CRPPA: variants seen among roughly 807,000 people sequenced by gnomAD.
CRPPA encodes D-ribitol-5-phosphate cytidylyltransferase.
CRPPA carries 43 observed loss-of-function variants against 52.0 expected under a neutral mutation model. The observed-to-expected ratio is 0.83, with a 90% CI of 0.65 to 1.07. The LOEUF (loss-of-function observed/expected upper bound fraction) is 1.07, where lower values mean the gene tolerates loss of function less well. CRPPA is among the 50% of genes least tolerant of loss of function. The probability of loss-of-function intolerance (pLI) is 0.00; values close to 1 mark genes in which losing one functional copy is unlikely to be tolerated. For missense variants in CRPPA, 629 were observed against 551.7 expected (o/e 1.14, Z -1.40); for synonymous variants, 250 against 203.5 (o/e 1.23, Z -1.94).
intron 6 of CRPPA, among the ~76,000 whole-genome samples, chr7:16,261,105 G>C (rs76123181): frequency 0.032 from 4,900 of 152,010 alleles, 264 homozygotes; most frequent in African/African-American, 0.11. Flanking sequence ...AACCAGGAAA[G>C]ACAAATGAAG....
intron 9 of CRPPA, among the ~76,000 whole-genome samples, chr7:16,100,966 G>A (rs1782031818): frequency 6.6e-6 from 1 of 152,152 alleles, no homozygotes; most frequent in African/African-American, 2.4e-5. Context: ...ATTGATTTGT[G>A]TATGTTGAAA....
At chr7:16,126,877 A>G (rs998969716) in intron 9 of CRPPA, among the ~76,000 whole-genome samples, 26 of 152,206 alleles carry the variant, frequency 1.7e-4, no homozygotes, top group Non-Finnish European at 2.9e-4. Flanking sequence ...TGAGCAACAA[A>G]AGGCAAAGAA....
At chr7:16,341,381 T>C (rs1235006441) in intron 3 of CRPPA, among the ~76,000 whole-genome samples, 1 of 152,162 alleles carries the variant, frequency 6.6e-6, no homozygotes, top group East Asian at 1.9e-4. Flanking sequence ...GATCTCTCTG[T>C]ACCTCCTCCA....
intron 3 of CRPPA, among the ~76,000 whole-genome samples, chr7:16,328,447 T>G (rs183252436): frequency 1.3e-5 from 2 of 151,422 alleles, no homozygotes; most frequent in African/African-American, 4.8e-5. Context: ...AGAAATAAAT[T>G]AATAAATGGT....
intron 9 of CRPPA, among the ~76,000 whole-genome samples, chr7:16,116,814 C>T (rs1330914998): frequency 1.3e-5 from 2 of 152,182 alleles, no homozygotes; most frequent in South Asian, 2.1e-4. Flanking sequence ...TCAGAAAAAG[C>T]GTATCAGAGG....
chr7:16,332,345 C>T (rs946567525), intron 3 of CRPPA, among the ~76,000 whole-genome samples: 1 of 152,050 alleles, frequency 6.6e-6, no homozygotes, highest in African/African-American at 2.4e-5. Flanking sequence ...AGAGACTTTA[C>T]ATAAAGAAGA....
chr7:16,119,465 A>C (rs1434462815), intron 9 of CRPPA, among the ~76,000 whole-genome samples: 1 of 152,246 alleles, frequency 6.6e-6, no homozygotes, highest in Non-Finnish European at 1.5e-5. Context: ...GCAAAAAATA[A>C]GGTGAGATAT....
rs1324300333 is a variant in CRPPA, at chr7:16,389,348, A to C, written c.535-13107T>G. Among the ~76,000 whole-genome samples, 3 of 152,176 alleles carry C rather than the reference A, an allele frequency of 2.0e-5. No individual in the cohort carries two copies. The East Asian group carries it at 5.8e-4, about 29-fold the overall frequency. ...TAAACAATGCAAAAACAGATGCAAA[A>C]ATTCTCAACAAGATACCTACAAACC... On this transcript the variant is annotated intron_variant, in intron 2 of 9. Coordinates refer to ENST00000407010, the MANE Select transcript of CRPPA (RefSeq NM_001101426.4).
At position 16,114,253 on chromosome 7, in the gene CRPPA, C is replaced by T. The variant is rs557168452; in HGVS notation, c.1252-22454G>A. On this transcript the variant is annotated intron_variant, in intron 9 of 9. Transcript: ENST00000407010. ...CAAATGGAGACTCTGAATACTTTCT[C>T]CAAAAATAGTACTGAACGAGATCAA... is the stretch of plus-strand genomic sequence containing the variant. Among the ~76,000 whole-genome samples, 12 of 151,136 alleles carry T rather than the reference C, an allele frequency of 7.9e-5. No homozygotes were observed. In the South Asian group the frequency reaches 2.5e-3, roughly 32 times the overall value.
At chr7:16,242,501 G>T (rs920378733) in intron 8 of CRPPA, among the ~76,000 whole-genome samples, 2 of 152,066 alleles carry the variant, frequency 1.3e-5, no homozygotes, top group African/African-American at 4.8e-5. Flanking sequence ...ATCTGACAGA[G>T]GTGGTAGCAA....
intron 8 of CRPPA, among the ~76,000 whole-genome samples, chr7:16,221,778 T>C (rs1322171547): frequency 6.6e-6 from 1 of 151,308 alleles, no homozygotes; most frequent in Non-Finnish European, 1.5e-5. Flanking sequence ...ATGGCGATCA[T>C]TAAAAAGTCA....
chr7:16,283,572 A>G (rs1267255288), intron 5 of CRPPA, among the ~76,000 whole-genome samples: 1 of 151,302 alleles, frequency 6.6e-6, no homozygotes. Flanking sequence ...GTGTGTGTTT[A>G]TATACAGTAG....
chr7:16,345,347 C>T (rs1785984986), intron 3 of CRPPA, among the ~76,000 whole-genome samples: 1 of 152,078 alleles, frequency 6.6e-6, no homozygotes, highest in East Asian at 1.9e-4. Context: ...ACAAGAAATA[C>T]CAAACGGAAT....
In CRPPA at chr7:16,313,521, TC is replaced by T. The variant is rs1785081044; in HGVS notation, c.685-4895del. On this transcript the variant is annotated intron_variant, in intron 3 of 9. Coordinates refer to ENST00000407010, the MANE Select transcript of CRPPA (RefSeq NM_001101426.4). ...TCTGGTAGATTTTTCTCTACTGACT[TC>T]CTATTATCAATTTCATCTATTTCTG... 2.0e-5 allele frequency among the ~76,000 whole-genome samples: 3 copies of T among 152,100 alleles called. No homozygotes were observed. The South Asian group carries it at 6.2e-4, about 32-fold the overall frequency.
At chr7:16,231,122 C>T (rs1275075473) in intron 8 of CRPPA, among the ~76,000 whole-genome samples, 2 of 152,124 alleles carry the variant, frequency 1.3e-5, no homozygotes, top group South Asian at 2.1e-4. Context: ...AAATCTTATG[C>T]TCACTTCCTT....
chr7:16,310,460 T>C (rs1389076016), intron 3 of CRPPA, among the ~76,000 whole-genome samples: 14 of 152,234 alleles, frequency 9.2e-5, no homozygotes, highest in Non-Finnish European at 1.5e-5. Context: ...GGAAAGATTG[T>C]AATGTGAAAG....
intron 3 of CRPPA, among the ~76,000 whole-genome samples, chr7:16,363,394 C>T (rs938957815): frequency 1.3e-5 from 2 of 152,116 alleles, no homozygotes; most frequent in Non-Finnish European, 2.9e-5. Context: ...TAGTCTGAAA[C>T]ATTGCAGCTA....
intron 8 of CRPPA, among the ~76,000 whole-genome samples, chr7:16,221,455 C>T (rs1352732617): frequency 6.6e-6 from 1 of 152,096 alleles, no homozygotes; most frequent in Non-Finnish European, 1.5e-5. Flanking sequence ...GGGATCTGAT[C>T]AAACTAAAGA....
chr7:16,104,388 A>G (rs568809716), intron 9 of CRPPA, among the ~76,000 whole-genome samples: 6 of 152,348 alleles, frequency 3.9e-5, no homozygotes, highest in Admixed American at 2.0e-4. Flanking sequence ...ATATAGATGA[A>G]GTCATTCTCC....
Sources: allele counts gnomAD v4.1 joint callset (sites outside exome capture counted in the v4.1 genomes callset), GRCh38; gene constraint gnomAD v4.1.1; transcripts MANE v1.5; gene names NCBI Gene and HGNC (gene_info 2026-07-23, HGNC 2026-07-21).